The following KCTD5 variants were observed in gnomAD, a reference collection of about 807,000 sequenced individuals.
The protein encoded by KCTD5 is potassium channel tetramerization domain containing 5, also known as BTB/POZ domain-containing protein KCTD5.
In KCTD5, 12 loss-of-function variants were observed where a neutral mutation model predicts 27.9. The ratio of observed to expected loss-of-function variants is 0.43; its 90% CI spans 0.28 to 0.70. The LOEUF is 0.70. Ranked by LOEUF, KCTD5 falls within the 30% of genes least tolerant of loss-of-function variation. KCTD5 has a pLI of 0.19. For missense variants in KCTD5, 226 were observed against 274.8 expected, an observed-to-expected ratio of 0.82 and a Z score of 1.26; for synonymous variants, 147 against 121.4, an observed-to-expected ratio of 1.21 and a Z score of -1.39.
At chr16:2,704,909 C>T (rs2067628453) in intron 5 of KCTD5, among the ~76,000 whole-genome samples, 1 of 152,218 alleles carries the variant, frequency 6.6e-6, no homozygotes, top group African/African-American at 2.4e-5. Context: ...TTCAGCCCCT[C>T]AGCACATGGT....
In KCTD5 at chr16:2,707,691, C is replaced by T. The variant is rs1185127586; in HGVS notation, c.*364C>T. 1.9e-6 allele frequency: 1 copy of T among 523,182 alleles called. No homozygotes were observed. Among genetic ancestry groups the T allele is most frequent in the Non-Finnish European group, 3.4e-6 (1 of 294,976 alleles). 32.4% of individuals were successfully genotyped at this position (523,182 alleles called of 1,614,324 possible). ...GCTACACACAGTCTGGAAAAGCAGC[C>T]TGGGCTTCACTGGCAGGAAGCGGCC... is the stretch of plus-strand genomic sequence containing the variant. On this transcript the variant is annotated 3_prime_UTR_variant, in exon 6 of 6. Transcript: ENST00000301738.
At chr16:2,703,882 C>T (rs574674325) in intron 5 of KCTD5, among the ~76,000 whole-genome samples, 118 of 152,298 alleles carry the variant, frequency 7.7e-4, no homozygotes, top group African/African-American at 2.8e-3. Context: ...AGGAGGCGAC[C>T]CCTGGCTCCC....
rs1481104371 is a variant in KCTD5, at chr16:2,708,256, G to A, written c.*929G>A. The A allele has an allele frequency of 1.3e-5, 2 of 152,730 alleles. No homozygotes were observed. The highest frequency in any genetic ancestry group is 4.8e-5 in the African/African-American group (2 of 41,478). The allele number at this position is 152,730 out of a possible 1,614,324, so 9.5% of individuals were successfully genotyped here. Reference sequence around the variant, plus strand: ...GGGATGTTTACAGAGCATCACAAATGCCTCTCTCTCGCCGCTCTCTCATTT... The same window carrying A: ...GGGATGTTTACAGAGCATCACAAATACCTCTCTCTCGCCGCTCTCTCATTT... On this transcript the variant is annotated 3_prime_UTR_variant, in exon 6 of 6. Coordinates refer to ENST00000301738, the MANE Select transcript of KCTD5 (RefSeq NM_018992.4).
intron 1 of KCTD5, among the ~76,000 whole-genome samples, chr16:2,688,245 ATT>A (rs142561151): frequency 0.068 from 4,493 of 65,822 alleles, 234 homozygotes; most frequent in African/African-American, 0.17. Context: ...ATATATATAT[ATT>A]TATTTATTTA....
intron 1 of KCTD5, among the ~76,000 whole-genome samples, chr16:2,688,252 T>C (rs1318527781): frequency 1.3e-5 from 1 of 76,528 alleles, no homozygotes; most frequent in Non-Finnish European, 3.0e-5. Context: ...TATATTTATT[T>C]ATTTATTTAT....
At chr16:2,704,886 C>T (rs1222165820) in intron 5 of KCTD5, among the ~76,000 whole-genome samples, 2 of 152,188 alleles carry the variant, frequency 1.3e-5, no homozygotes, top group African/African-American at 4.8e-5. Flanking sequence ...AGGCCAGGCG[C>T]CTCTGGACAG....
At chr16:2,698,149 T>A in intron 3 of KCTD5, 152 bp downstream of exon 3, 1 of 615,182 alleles carries the variant, frequency 1.6e-6, no homozygotes, top group Non-Finnish European at 2.9e-6. Flanking sequence ...CCCCAGTGCC[T>A]GCCAGCTCCG....
In KCTD5 at chr16:2,702,338, T is replaced by C. The variant is rs753609368; in HGVS notation, c.550-15T>C. 1 of 1,613,326 alleles carries C rather than the reference T, an allele frequency of 6.2e-7. No homozygotes were observed. Among genetic ancestry groups the C allele is most frequent in the South Asian group, 1.1e-5 (1 of 91,076 alleles). On this transcript the variant is annotated splice_polypyrimidine_tract_variant and intron_variant, in intron 4 of 5. Transcript: ENST00000301738. ...GGCTTCACTGGGCTGCGTCTCAGGC[T>C]ATGTCTCCTTGCAGTTGGTCAGCAT...
chr16:2,699,361 C>T (rs1043511834), intron 3 of KCTD5: 18 of 375,708 alleles, frequency 4.8e-5, no homozygotes, highest in African/African-American at 8.4e-5. Flanking sequence ...GCTCAGCCTT[C>T]GGGAGGCCCA....
intron 5 of KCTD5, among the ~76,000 whole-genome samples, chr16:2,706,674 G>T (rs1308712975): frequency 6.6e-6 from 1 of 151,006 alleles, no homozygotes. Context: ...GGTGGGGAGG[G>T]CAGGGGGCCG....
At chr16:2,692,062 A>C (rs2067569215) in intron 1 of KCTD5, among the ~76,000 whole-genome samples, 2 of 152,150 alleles carry the variant, frequency 1.3e-5, no homozygotes, top group Non-Finnish European at 2.9e-5. Context: ...GGCAGAGCCT[A>C]GCCACTGTGG....
chr16:2,705,751 G>A (rs1395398071), intron 5 of KCTD5, among the ~76,000 whole-genome samples: 1 of 152,202 alleles, frequency 6.6e-6, no homozygotes, highest in Admixed American at 6.5e-5. Context: ...CCTTCCTGTG[G>A]AAGATGGCCT....
In KCTD5 at chr16:2,707,111, T is replaced by G. The variant is rs376188069; in HGVS notation, c.676-187T>G. ...GCTCCCTGTGTGGGGCCTGGAGATG[T>G]GCCAGACACCCCGGTGAAGGTCCTG... On this transcript the variant is annotated intron_variant, in intron 5 of 5. Coordinates refer to ENST00000301738, the MANE Select transcript of KCTD5 (RefSeq NM_018992.4). Among the ~76,000 whole-genome samples, 34 of 152,156 alleles carry G rather than the reference T, an allele frequency of 2.2e-4. No individual in the cohort carries two copies. The South Asian group carries it at 6.8e-3, about 31-fold the overall frequency.
rs531248911 is a variant in KCTD5 at position 2,706,321 on chromosome 16, T to C, written c.676-977T>C. Among the ~76,000 whole-genome samples the C allele has an allele frequency of 3.3e-5, 5 of 152,280 alleles. No homozygotes were observed. In the South Asian group the frequency reaches 1.0e-3, roughly 32 times the overall value. On this transcript the variant is annotated intron_variant, in intron 5 of 5. Coordinates refer to ENST00000301738, the MANE Select transcript of KCTD5 (RefSeq NM_018992.4). ...CTCTCCGGTCAGTGCGGCATGGCAG[T>C]GACCTCTGGGAGGCTGTGCCCGGCG...
chr16:2,700,543 CG>C (rs1255433270), intron 4 of KCTD5, among the ~76,000 whole-genome samples: 1 of 152,170 alleles, frequency 6.6e-6, no homozygotes, highest in African/African-American at 2.4e-5. Context: ...GGCCTCTGAC[CG>C]GGGGGCCCTT....
In KCTD5 at chr16:2,707,530, G is replaced by T; in HGVS notation, c.*203G>T. The T allele has an allele frequency of 2.9e-6, 2 of 683,108 alleles. No individual in the cohort carries two copies. The highest frequency in any genetic ancestry group is 5.3e-6 in the Non-Finnish European group (2 of 377,390). The allele number at this position is 683,108 out of a possible 1,614,324, so 42.3% of individuals were successfully genotyped here. A position where few individuals can be genotyped will look rare whatever the true frequency, so the allele number is the denominator to read the frequency against. ...AAGGCCAGACGTCCCCAAGTTGGGG[G>T]AGCACGGCGGCCGGGTGGGCGCTGC... On this transcript the variant is annotated 3_prime_UTR_variant, in exon 6 of 6. Transcript: ENST00000301738.
In KCTD5 at chr16:2,693,525, G is replaced by A. The variant is rs116615661; in HGVS notation, c.253-2410G>A. Among the ~76,000 whole-genome samples, 452 of 152,338 alleles carry A rather than the reference G, an allele frequency of 3.0e-3. 1 individual carries two copies. The highest frequency in any genetic ancestry group is 0.01 in the African/African-American group (432 of 41,576). On this transcript the variant is annotated intron_variant, in intron 1 of 5. Transcript: ENST00000301738. ...TTGAGGCCGAGCCCAGTGCCAGCACGCTCAGTGCCCTGCCGGCTCCTTGGA... is the reference window on the plus strand; with the variant it reads ...TTGAGGCCGAGCCCAGTGCCAGCACACTCAGTGCCCTGCCGGCTCCTTGGA...
At position 2,708,492 on chromosome 16, in the gene KCTD5, T is replaced by C; in HGVS notation, c.*1165T>C. 1 of 152,374 alleles carries C rather than the reference T, an allele frequency of 6.6e-6. No individual in the cohort carries two copies. Among genetic ancestry groups the C allele is most frequent in the Non-Finnish European group, 1.5e-5 (1 of 68,066 alleles). 9.4% of individuals were successfully genotyped at this position (152,374 alleles called of 1,614,324 possible). A position where few individuals can be genotyped will look rare whatever the true frequency, so the allele number is the denominator to read the frequency against. On this transcript the variant is annotated 3_prime_UTR_variant, in exon 6 of 6. Transcript: ENST00000301738. ...CGTGCAGGGCGGGCTCCAAGCGCTTTGCTTCCGGAACTCCGGCTTCCCAAG... is the reference window on the plus strand; with the variant it reads ...CGTGCAGGGCGGGCTCCAAGCGCTTCGCTTCCGGAACTCCGGCTTCCCAAG...
chr16:2,687,285 C>A (rs1484452811), intron 1 of KCTD5, among the ~76,000 whole-genome samples: 1 of 152,208 alleles, frequency 6.6e-6, no homozygotes, highest in African/African-American at 2.4e-5. Context: ...TGAAAGAAAA[C>A]AGTTTTGAGG....
Sources: allele counts gnomAD v4.1 joint callset (sites outside exome capture counted in the v4.1 genomes callset), GRCh38; gene constraint gnomAD v4.1.1; transcripts MANE v1.5; gene names NCBI Gene and HGNC (gene_info 2026-07-23, HGNC 2026-07-21).